The following SPAG9 variants were observed in gnomAD, a reference collection of about 807,000 sequenced individuals.
The protein encoded by SPAG9 is sperm associated antigen 9.
SPAG9 carries 35 observed loss-of-function variants against 166.5 expected under a neutral mutation model. The ratio of observed to expected loss-of-function variants is 0.21; its 90% CI spans 0.16 to 0.28. The LOEUF (loss-of-function observed/expected upper bound fraction) is 0.28. SPAG9 is among the 10% of genes least tolerant of loss of function. The pLI is 1.00. For missense variants in SPAG9, 1,235 were observed against 1,603.3 expected, an observed-to-expected ratio of 0.77 and a Z score of 3.92; for synonymous variants, 534 against 565.5, an observed-to-expected ratio of 0.94 and a Z score of 0.79.
In SPAG9 at chr17:51,120,310, C is replaced by G. The variant is rs1044769774; in HGVS notation, c.303+44G>C. On this transcript the variant is annotated intron_variant, in intron 1 of 29. Coordinates refer to ENST00000262013, the MANE Select transcript of SPAG9 (RefSeq NM_001130528.3). This position sits in a 1 kb window ranked among gnomAD's most constrained non-coding sequence, Gnocchi z 4.7. ...GGGCCGCGACCCCGCCCCGGCCGCC[C>G]CCGGAGACGGATCCCGCGGCCCCCG... 17 of 1,478,930 alleles carry G rather than the reference C, an allele frequency of 1.1e-5. No homozygotes were observed. In the African/African-American group the frequency reaches 2.0e-4, roughly 17 times the overall value. The allele number at this position is 1,478,930 out of a possible 1,614,324, so 91.6% of individuals were successfully genotyped here. A position where few individuals can be genotyped will look rare whatever the true frequency, so the allele number is the denominator to read the frequency against.
At chr17:51,040,103 T>C (rs2046775459) in intron 5 of SPAG9, among the ~76,000 whole-genome samples, 2 of 151,832 alleles carry the variant, frequency 1.3e-5, no homozygotes, top group African/African-American at 4.8e-5. Context: ...GGTGTGGTGG[T>C]GGGTGCTGTA....
intron 2 of SPAG9, among the ~76,000 whole-genome samples, chr17:51,058,203 ATTC>A (rs1312623300): frequency 2.0e-5 from 3 of 152,238 alleles, no homozygotes; most frequent in African/African-American, 7.2e-5. Flanking sequence ...GAGCCTTATT[ATTC>A]TTGTCAGCTG....
intron 5 of SPAG9, among the ~76,000 whole-genome samples, chr17:51,037,685 A>ATATATATATATAGTGT: frequency 3.5e-4 from 29 of 83,506 alleles, no homozygotes; most frequent in African/African-American, 7.0e-4. Flanking sequence ...ATATATATAT[A>ATATATATATATAGTGT]GTGTGTGTGT....
chr17:51,057,164 T>G (rs1488980901), intron 2 of SPAG9, among the ~76,000 whole-genome samples: 1 of 152,098 alleles, frequency 6.6e-6, no homozygotes, highest in Non-Finnish European at 1.5e-5. Flanking sequence ...TCAAGACAGA[T>G]GGTAATGAGA....
chr17:51,046,853 A>G, intron 4 of SPAG9: 1 of 1,530,704 alleles, frequency 6.5e-7, no homozygotes, highest in East Asian at 2.5e-5. Flanking sequence ...TCATAACCAT[A>G]GAGCTGCTGC....
At position 51,021,899 on chromosome 17, in the gene SPAG9, C is replaced by T. The variant is rs1302229438; in HGVS notation, c.784-534G>A. 4.6e-5 allele frequency among the ~76,000 whole-genome samples: 7 copies of T among 151,912 alleles called. No homozygotes were observed. In the East Asian group the frequency reaches 5.8e-4, roughly 13 times the overall value. ...CAACACTTTGGGAGGCCGAGGCAGG[C>T]GGATCACGAGGTCAGGAGTTCGAGA... On this transcript the variant is annotated intron_variant, in intron 6 of 29. Transcript: ENST00000262013.
chr17:51,089,876 C>T (rs1189166347), intron 1 of SPAG9, among the ~76,000 whole-genome samples: 1 of 150,960 alleles, frequency 6.6e-6, no homozygotes, highest in African/African-American at 2.4e-5. Context: ...CAAGGTTTCA[C>T]CATGTTGGCC....
chr17:51,064,682 A>G (rs1434167450), intron 2 of SPAG9, among the ~76,000 whole-genome samples: 1 of 152,198 alleles, frequency 6.6e-6, no homozygotes, highest in Admixed American at 6.5e-5. Flanking sequence ...GTTTTCAGGG[A>G]CAAGGGGAAG....
intron 2 of SPAG9, among the ~76,000 whole-genome samples, chr17:51,065,498 A>C (rs1281443815): frequency 6.6e-6 from 1 of 152,216 alleles, no homozygotes; most frequent in Non-Finnish European, 1.5e-5. Context: ...ATTTCATTAA[A>C]ATGTCCTTCT....
intron 14 of SPAG9, among the ~76,000 whole-genome samples, chr17:50,999,275 A>G (rs2044819342): frequency 6.6e-6 from 1 of 152,146 alleles, no homozygotes; most frequent in Non-Finnish European, 1.5e-5. Flanking sequence ...TACAAGCACT[A>G]AATTTCTCAT....
chr17:51,077,073 T>TCTATCTAGCTATCTAGCTATCTAGCTAG (rs2048028103), intron 2 of SPAG9, among the ~76,000 whole-genome samples: 1 of 115,974 alleles, frequency 8.6e-6, no homozygotes, highest in Non-Finnish European at 1.9e-5. Flanking sequence ...TAGCTAGCTA[T>TCTATCTAGCTATCTAGCTATCTAGCTAG]CTAGCTATCT....
intron 3 of SPAG9, among the ~76,000 whole-genome samples, chr17:51,048,950 C>T (rs2047106464): frequency 6.6e-6 from 1 of 152,204 alleles, no homozygotes; most frequent in African/African-American, 2.4e-5. Context: ...CACCTTTCAT[C>T]TATCAGCAAG....
intron 28 of SPAG9, 80 bp downstream of exon 28, chr17:50,974,691 A>C (rs904674360): frequency 1.0e-5 from 13 of 1,265,470 alleles, no homozygotes; most frequent in Non-Finnish European, 1.4e-5. Flanking sequence ...ACTTAGCCTT[A>C]GACTATTAGG....
At chr17:51,087,826 C>T (rs543175523) in intron 1 of SPAG9, among the ~76,000 whole-genome samples, 1 of 152,308 alleles carries the variant, frequency 6.6e-6, no homozygotes, top group East Asian at 1.9e-4. Flanking sequence ...GCCTCGACTT[C>T]CTGGGCTCAA....
intron 3 of SPAG9, among the ~76,000 whole-genome samples, chr17:51,050,837 T>C (rs76314425): frequency 1.3e-3 from 205 of 152,088 alleles, no homozygotes; most frequent in African/African-American, 4.8e-3. Flanking sequence ...ACCAGGTCCA[T>C]TGCTTCTGGT....
rs1269287079 is a variant in SPAG9 at position 50,990,536 on chromosome 17, A to G, written c.2531T>C (p.Val844Ala). The change falls in exon 20 of 30, where the codon GTG becomes GCG. Residue 844 changes from valine to alanine, a missense_variant. This residue lies in a region of SPAG9 where 493 missense variants were observed against 559.4 expected (regional missense o/e 0.88). Coordinates refer to ENST00000262013, the MANE Select transcript of SPAG9 (RefSeq NM_001130528.3). ...ETDSLLGGIT[V>A]VGCSAEGVTG... ...CACACCTTCTGCAGAACAACCAACC[A>G]CTGTGATGCCTCCTAACAGGCTGTC... 2 of 1,613,846 alleles carry G rather than the reference A, an allele frequency of 1.2e-6. No homozygotes were observed. Among genetic ancestry groups the G allele is most frequent in the African/African-American group, 2.7e-5 (2 of 74,838 alleles).
intron 1 of SPAG9, among the ~76,000 whole-genome samples, chr17:51,091,836 A>T (rs1170578988): frequency 3.9e-5 from 6 of 152,012 alleles, no homozygotes; most frequent in Non-Finnish European, 8.8e-5. Flanking sequence ...AAATCAGTGG[A>T]CAATACAGAC....
chr17:50,988,084 C>T (rs543971572), intron 21 of SPAG9, among the ~76,000 whole-genome samples: 8 of 152,258 alleles, frequency 5.3e-5, no homozygotes, highest in South Asian at 4.1e-4. Context: ...GGTGTGGCAG[C>T]ACATGCCTTC....
At chr17:50,990,789 C>G in intron 19 of SPAG9, 121 bp from the exon 20 acceptor site, 1 of 684,542 alleles carries the variant, frequency 1.5e-6, no homozygotes. Context: ...TAGTTGAATA[C>G]AGGTAGCATT....
Sources: allele counts gnomAD v4.1 joint callset (sites outside exome capture counted in the v4.1 genomes callset), GRCh38; gene constraint gnomAD v4.1.1; regional missense constraint gnomAD v4.1.1; non-coding constraint Gnocchi (gnomAD v3.1); transcripts MANE v1.5; gene names NCBI Gene and HGNC (gene_info 2026-07-23, HGNC 2026-07-21).